Variants in RRN3 observed in about 807,000 individuals in gnomAD.
RRN3 encodes RNA polymerase I-specific transcription initiation factor RRN3.
In RRN3, 38 loss-of-function variants were observed where a neutral mutation model predicts 82.3. That is an observed-to-expected ratio of 0.46 (90% CI 0.36 to 0.61). The LOEUF is 0.61. Among genes scored for constraint, RRN3 ranks in the 20% least tolerant of loss-of-function variants. The pLI is 0.00. For synonymous variants in RRN3, 284 were observed against 284.3 expected (o/e 1.00, Z 0.01); for missense variants, 726 against 793.1 (o/e 0.92, Z 1.02).
rs770817252 is a variant in RRN3, at chr16:15,084,604, G to A, written c.596+38C>T. 7.9e-6 allele frequency: 11 copies of A among 1,392,508 alleles called. No homozygotes were observed. The African/African-American group carries it at 8.5e-5, about 11-fold the overall frequency. The allele number at this position is 1,392,508 out of a possible 1,614,324, so 86.3% of individuals were successfully genotyped here. A position where few individuals can be genotyped will look rare whatever the true frequency, so the allele number is the denominator to read the frequency against. ...TTTACTAATTGATTACAATTTTCTT[G>A]AGAATTAAACATTCAAAATAAGGAA... On this transcript the variant is annotated intron_variant, in intron 7 of 17. Coordinates refer to ENST00000198767, the MANE Select transcript of RRN3 (RefSeq NM_018427.5).
At chr16:15,068,619 G>A (rs190234506) in intron 14 of RRN3, among the ~76,000 whole-genome samples, 4 of 152,312 alleles carry the variant, frequency 2.6e-5, no homozygotes, top group Non-Finnish European at 5.9e-5. Flanking sequence ...TTTGGTTTCA[G>A]CTAACAATCA....
intron 16 of RRN3, 107 bp downstream of exon 16, chr16:15,065,112 G>C: frequency 1.7e-6 from 2 of 1,162,672 alleles, no homozygotes; most frequent in East Asian, 2.4e-5. Context: ...CTTGCGGTAA[G>C]CCGAGATCAC....
chr16:15,065,112 G>A (rs1488049171), intron 16 of RRN3, 107 bp downstream of exon 16: 35 of 1,162,556 alleles, frequency 3.0e-5, no homozygotes, highest in Non-Finnish European at 4.2e-5. Context: ...CTTGCGGTAA[G>A]CCGAGATCAC....
intron 13 of RRN3, 152 bp downstream of exon 13, chr16:15,070,969 C>T (rs1447532301): frequency 1.8e-6 from 1 of 550,906 alleles, no homozygotes; most frequent in Non-Finnish European, 3.2e-6. Flanking sequence ...CTAAAATCAC[C>T]ACTTAGAAAT....
intron 6 of RRN3, 86 bp from the exon 7 acceptor site, chr16:15,084,791 C>T: frequency 1.1e-6 from 1 of 907,162 alleles, no homozygotes; most frequent in Non-Finnish European, 1.8e-6. Context: ...GCTGGCTGGG[C>T]ACAGTGGCTC....
intron 9 of RRN3, among the ~76,000 whole-genome samples, chr16:15,079,365 G>GA (rs2045601812): frequency 6.6e-6 from 1 of 152,066 alleles, no homozygotes; most frequent in Admixed American, 6.5e-5. Flanking sequence ...GGCCAAACAG[G>GA]AAAAATCACT....
chr16:15,087,161 A>G (rs967235282), intron 3 of RRN3, among the ~76,000 whole-genome samples: 4 of 152,196 alleles, frequency 2.6e-5, no homozygotes, highest in Non-Finnish European at 5.9e-5. Context: ...ATTAAGAAAA[A>G]GCCCCTAATT....
chr16:15,080,859 T>C (rs1422893456), intron 8 of RRN3, among the ~76,000 whole-genome samples: 2 of 151,864 alleles, frequency 1.3e-5, no homozygotes, highest in Non-Finnish European at 2.9e-5. Flanking sequence ...TGGAGTCATA[T>C]AATACATGTT....
chr16:15,061,984 T>G, intron 17 of RRN3, 79 bp from the exon 18 acceptor site: 1 of 1,335,882 alleles, frequency 7.5e-7, no homozygotes, highest in Non-Finnish European at 1.0e-6. Context: ...CTCAGGAAGG[T>G]GTTAACGTTT....
intron 10 of RRN3, among the ~76,000 whole-genome samples, chr16:15,075,333 G>A (rs982777684): frequency 6.6e-5 from 10 of 151,980 alleles, no homozygotes; most frequent in African/African-American, 2.4e-4. Context: ...AACACTTTGG[G>A]AGGCCAAGGC....
intron 3 of RRN3, among the ~76,000 whole-genome samples, chr16:15,087,583 C>T (rs2045958052): frequency 6.6e-6 from 1 of 152,148 alleles, no homozygotes; most frequent in South Asian, 2.1e-4. Context: ...CAACCATTTT[C>T]TGATGAAATC....
At chr16:15,064,603 C>T (rs950407096) in intron 16 of RRN3, among the ~76,000 whole-genome samples, 1 of 152,196 alleles carries the variant, frequency 6.6e-6, no homozygotes, top group Non-Finnish European at 1.5e-5. Flanking sequence ...GCACCATTAT[C>T]CCCATTAACC....
intron 1 of RRN3, among the ~76,000 whole-genome samples, chr16:15,093,165 C>G (rs548629650): frequency 6.6e-6 from 1 of 152,170 alleles, no homozygotes; most frequent in Non-Finnish European, 1.5e-5. Flanking sequence ...CCACCATGCC[C>G]GGCTGATTTT....
chr16:15,091,626 G>A (rs2046133120), intron 2 of RRN3, among the ~76,000 whole-genome samples: 1 of 151,974 alleles, frequency 6.6e-6, no homozygotes, highest in Non-Finnish European at 1.5e-5. Flanking sequence ...TATAATAGTT[G>A]ATACTCCTGC....
intron 16 of RRN3, among the ~76,000 whole-genome samples, chr16:15,063,973 AAAGT>A (rs1480980680): frequency 1.8e-4 from 28 of 152,284 alleles, no homozygotes; most frequent in African/African-American, 6.5e-4. Flanking sequence ...AATTTGCTGA[AAAGT>A]AAGTCTAGGA....
At chr16:15,085,051 G>C (rs1394947851) in intron 6 of RRN3, among the ~76,000 whole-genome samples, 2 of 152,004 alleles carry the variant, frequency 1.3e-5, no homozygotes, top group African/African-American at 4.8e-5. Context: ...GGGCAACAGA[G>C]CGAGACTCTG....
At chr16:15,081,851 T>C (rs749053939) in intron 8 of RRN3, among the ~76,000 whole-genome samples, 2 of 152,246 alleles carry the variant, frequency 1.3e-5, no homozygotes, top group South Asian at 2.1e-4. Flanking sequence ...TGGATATCCA[T>C]ATGCTTCATT....
chr16:15,092,745 C>T lies in RRN3; in HGVS notation c.90-131G>A, dbSNP rs538676414. 4.2e-4 allele frequency: 270 copies of T among 645,124 alleles called. 1 individual carries two copies. In the South Asian group the frequency reaches 4.9e-3, roughly 12 times the overall value. The allele number at this position is 645,124 out of a possible 1,614,324, so 40.0% of individuals were successfully genotyped here. On this transcript the variant is annotated intron_variant, in intron 1 of 17. Coordinates refer to ENST00000198767, the MANE Select transcript of RRN3 (RefSeq NM_018427.5). Reference sequence around the variant, plus strand: ...CTCTTTACTGGTCTCCCTGCTTCCACTCTTAACCAACAATCCTTCCTTTGC... The same window carrying T: ...CTCTTTACTGGTCTCCCTGCTTCCATTCTTAACCAACAATCCTTCCTTTGC...
Position 15,061,029 on chromosome 16 carries a change from T to C in RRN3, c.*715A>G, listed in dbSNP as rs1233164643. 1 of 152,254 alleles carries C rather than the reference T, an allele frequency of 6.6e-6. No homozygotes were observed. Among genetic ancestry groups the C allele is most frequent in the Non-Finnish European group, 1.5e-5 (1 of 68,044 alleles). The allele number at this position is 152,254 out of a possible 1,614,324, so 9.4% of individuals were successfully genotyped here. The stretch of plus-strand genomic sequence containing the variant: ...TACCTGGACCTCCATTTTTGTCTTT[T>C]AAATCCATTTTTTCGCTGTGCCAAG... On this transcript the variant is annotated 3_prime_UTR_variant, in exon 18 of 18. Coordinates refer to ENST00000198767, the MANE Select transcript of RRN3 (RefSeq NM_018427.5).
Sources: allele counts gnomAD v4.1 joint callset (sites outside exome capture counted in the v4.1 genomes callset), GRCh38; gene constraint gnomAD v4.1.1; transcripts MANE v1.5; gene names NCBI Gene and HGNC (gene_info 2026-07-23, HGNC 2026-07-21).